TMEM232: variants seen among roughly 807,000 people sequenced by gnomAD.
TMEM232 encodes transmembrane protein 232.
Under a neutral mutation model 78.8 loss-of-function variants are expected in TMEM232, and 80 were observed. The ratio of observed to expected loss-of-function variants is 1.01; its 90% confidence interval spans 0.85 to 1.22. The LOEUF (loss-of-function observed/expected upper bound fraction) is 1.22. Ranked by LOEUF, TMEM232 falls within the 50% of genes most tolerant of loss-of-function variation. The probability of loss-of-function intolerance (pLI) is 0.00; values close to 1 mark genes in which losing one functional copy is unlikely to be tolerated. For missense variants in TMEM232, 881 were observed against 742.2 expected, an observed-to-expected ratio of 1.19 and a Z score of -2.17; for synonymous variants, 297 against 254.3, an observed-to-expected ratio of 1.17 and a Z score of -1.60.
intron 12 of TMEM232, among the ~76,000 whole-genome samples, chr5:110,455,526 C>T (rs1328140815): frequency 2.6e-5 from 4 of 151,864 alleles, no homozygotes; most frequent in East Asian, 1.9e-4. Flanking sequence ...TACAGGCGCC[C>T]GCCACCACGC....
intron 11 of TMEM232, among the ~76,000 whole-genome samples, chr5:110,560,848 A>G (rs1775658484): frequency 6.6e-6 from 1 of 152,132 alleles, no homozygotes. Flanking sequence ...AATCTGAAAA[A>G]CTAATTTAGC....
chr5:110,424,858 C>A lies in TMEM232; in HGVS notation c.1762G>T (p.Ala588Ser). 3 of 1,549,876 alleles carry A rather than the reference C, an allele frequency of 1.9e-6. No individual in the cohort carries two copies. Among genetic ancestry groups the A allele is most frequent in the Non-Finnish European group, 1.7e-6 (2 of 1,146,020 alleles). ...ATGATTTTTGCCAACTCTTTATCTG[C>A]CTTGGTGAAGAAATCTGGATATGGA... ...MFPYPDFFTK[A>S]DKELAKIIDH... The change falls in exon 13 of 14, where the codon GCA becomes TCA. Residue 588 changes from alanine (A) to serine (S), a missense_variant. Physicochemically the swap from Ala to Ser is moderately conservative, Grantham distance 99 (BLOSUM62 1). Coordinates refer to ENST00000455884, the MANE Select transcript of TMEM232 (RefSeq NM_001039763.4).
At chr5:110,543,344 C>T (rs993672595) in intron 11 of TMEM232, among the ~76,000 whole-genome samples, 3 of 152,108 alleles carry the variant, frequency 2.0e-5, no homozygotes, top group Non-Finnish European at 4.4e-5. Context: ...CATTGATGTC[C>T]GTGCCCTTTG....
intron 12 of TMEM232, among the ~76,000 whole-genome samples, chr5:110,521,606 T>G (rs893201261): frequency 6.6e-6 from 1 of 152,228 alleles, no homozygotes; most frequent in Non-Finnish European, 1.5e-5. Flanking sequence ...AATTTAAGTC[T>G]TTAATCCATT....
chr5:110,689,321 T>C (rs542848337), intron 1 of TMEM232, among the ~76,000 whole-genome samples: 1 of 152,206 alleles, frequency 6.6e-6, no homozygotes, highest in South Asian at 2.1e-4. Context: ...ATTTATTGCA[T>C]ACATATATAT....
At chr5:110,438,331 A>T (rs190346144) in intron 12 of TMEM232, among the ~76,000 whole-genome samples, 19 of 151,674 alleles carry the variant, frequency 1.3e-4, no homozygotes, top group African/African-American at 3.6e-4. Flanking sequence ...AGAAATATAG[A>T]GGGGCAAAAC....
chr5:110,727,547 T>G (rs1310790583), upstream of TMEM232, among the ~76,000 whole-genome samples: 1 of 151,976 alleles, frequency 6.6e-6, no homozygotes, highest in African/African-American at 2.4e-5. Flanking sequence ...AGATGGAGGT[T>G]GCAGTGAGCC....
chr5:110,719,475 G>T (rs1252063109), intron 1 of TMEM232, among the ~76,000 whole-genome samples: 1 of 151,800 alleles, frequency 6.6e-6, no homozygotes. Context: ...CTCTTTCCAG[G>T]CAGTTTTTGC....
intron 1 of TMEM232, among the ~76,000 whole-genome samples, chr5:110,699,051 C>G (rs1795140414): frequency 6.7e-6 from 1 of 149,910 alleles, no homozygotes; most frequent in South Asian, 2.2e-4. Flanking sequence ...AGGACAAAAA[C>G]AAACAAAACA....
chr5:110,473,578 TAAAAATTA>T (rs1342351449), intron 12 of TMEM232, among the ~76,000 whole-genome samples: 2 of 149,632 alleles, frequency 1.3e-5, no homozygotes, highest in African/African-American at 2.5e-5. Flanking sequence ...TCTCAAAAAT[TAAAAATTA>T]AAAAATTAAA....
intron 4 of TMEM232, among the ~76,000 whole-genome samples, chr5:110,389,574 C>T (rs751512312): frequency 6.6e-6 from 1 of 152,194 alleles, no homozygotes; most frequent in Non-Finnish European, 1.5e-5. Context: ...TTTGTTCTAA[C>T]AATTGCATTG....
Position 110,413,971 on chromosome 5 carries a change from C to G in TMEM232, n.308+10852G>C, listed in dbSNP as rs527844026. Among the ~76,000 whole-genome samples the G allele has an allele frequency of 2.9e-4, 44 of 152,292 alleles. 1 individual carries two copies. The South Asian group carries it at 8.9e-3, about 31-fold the overall frequency. ...GAAATAACCATATGACCCACCACAA[C>G]ACAATGGAGCCAGAAAATAGAAAGC... On this transcript the variant is annotated intron_variant and non_coding_transcript_variant, in intron 2 of 8. Transcript: ENST00000507188.
rs372770578 is a variant in TMEM232, at chr5:110,485,458, C to T, written c.1703+43130G>A. Among the ~76,000 whole-genome samples, 12 of 152,168 alleles carry T rather than the reference C, an allele frequency of 7.9e-5. 1 individual carries two copies. Among genetic ancestry groups the T allele is most frequent in the East Asian group, 7.7e-4 (4 of 5,164 alleles). On this transcript the variant is annotated intron_variant, in intron 12 of 13. Transcript: ENST00000455884. ...TCTTTTAATCCCTCACCCACCACCCCCCTAACTCTTGCAGGCCAAGTCCCC... is the reference window on the plus strand; with the variant it reads ...TCTTTTAATCCCTCACCCACCACCCTCCTAACTCTTGCAGGCCAAGTCCCC...
chr5:110,627,747 A>G (rs1784605509), intron 6 of TMEM232, 34 bp downstream of exon 6: 1 of 1,329,074 alleles, frequency 7.5e-7, no homozygotes, highest in Non-Finnish European at 1.0e-6. Context: ...ATAACATAAA[A>G]CATTTATAAG....
At chr5:110,396,244 G>A (rs551470797) in intron 3 of TMEM232, among the ~76,000 whole-genome samples, 1 of 152,150 alleles carries the variant, frequency 6.6e-6, no homozygotes, top group South Asian at 2.1e-4. Flanking sequence ...GAACAGCATG[G>A]GGCAAACCAC....
intron 12 of TMEM232, among the ~76,000 whole-genome samples, chr5:110,517,205 C>A (rs946645794): frequency 6.6e-6 from 1 of 152,118 alleles, no homozygotes; most frequent in African/African-American, 2.4e-5. Context: ...TGTATTTAGA[C>A]CTGTGGGGTT....
intron 12 of TMEM232, among the ~76,000 whole-genome samples, chr5:110,504,884 C>G (rs925040932): frequency 6.6e-6 from 1 of 152,218 alleles, no homozygotes; most frequent in Non-Finnish European, 1.5e-5. Context: ...CCCTAATGCC[C>G]AGGCAAGTTG....
At chr5:110,490,177 G>T (rs1021599748) in intron 12 of TMEM232, among the ~76,000 whole-genome samples, 3 of 125,728 alleles carry the variant, frequency 2.4e-5, no homozygotes, top group African/African-American at 1.1e-4. Flanking sequence ...AAGAAAGAAA[G>T]AAAGAAAGAA....
intron 4 of TMEM232, among the ~76,000 whole-genome samples, chr5:110,390,080 G>A (rs766616014): frequency 6.6e-6 from 1 of 152,172 alleles, no homozygotes; most frequent in Non-Finnish European, 1.5e-5. Flanking sequence ...GAAATAAAAT[G>A]TGGCTATATC....
Sources: gnomAD v4.1 joint callset for allele counts (sites outside exome capture counted in the v4.1 genomes callset) on GRCh38, gnomAD v4.1.1 for gene constraint, MANE v1.5 for transcripts, NCBI Gene and HGNC (gene_info 2026-07-23, HGNC 2026-07-21) for gene names.